Variants in MMS22L observed in about 807,000 individuals in gnomAD.
MMS22L encodes the protein protein MMS22-like.
In MMS22L, 74 loss-of-function variants were observed where a neutral mutation model predicts 159.1. The observed-to-expected ratio is 0.47, with a 90% CI of 0.39 to 0.56. The LOEUF (loss-of-function observed/expected upper bound fraction) is 0.56. Among genes scored for constraint, MMS22L ranks in the 20% least tolerant of loss-of-function variants. The probability of loss-of-function intolerance (pLI) is 0.00; values close to 1 mark genes in which losing one functional copy is unlikely to be tolerated. For missense variants in MMS22L, 1,351 were observed against 1,422.1 expected, an observed-to-expected ratio of 0.95 and a Z score of 0.80; for synonymous variants, 517 against 506.9, an observed-to-expected ratio of 1.02 and a Z score of -0.27.
At chr6:97,170,216 G>C (rs1803389268) in intron 19 of MMS22L, among the ~76,000 whole-genome samples, 1 of 152,096 alleles carries the variant, frequency 6.6e-6, no homozygotes, top group African/African-American at 2.4e-5. Flanking sequence ...CATGAATAAG[G>C]GGAAACTACT....
At chr6:97,231,740 A>T (rs1437007503) in intron 12 of MMS22L, 88 bp from the exon 13 acceptor site, 1 of 905,060 alleles carries the variant, frequency 1.1e-6, no homozygotes, top group Non-Finnish European at 1.7e-6. Flanking sequence ...TAGTTGGTTC[A>T]TCAAAAGTCT....
At chr6:97,250,157 C>T (rs1321135481) in intron 10 of MMS22L, among the ~76,000 whole-genome samples, 4 of 151,794 alleles carry the variant, frequency 2.6e-5, no homozygotes, top group East Asian at 1.9e-4. Context: ...TTCTACATAC[C>T]AAGTTAAATC....
At chr6:97,217,400 C>T (rs1276220529) in intron 14 of MMS22L, among the ~76,000 whole-genome samples, 2 of 151,894 alleles carry the variant, frequency 1.3e-5, no homozygotes, top group Non-Finnish European at 2.9e-5. Context: ...ATTACAGGTG[C>T]CCACCACCAC....
At chr6:97,174,011 T>A (rs574851885) in intron 18 of MMS22L, among the ~76,000 whole-genome samples, 6 of 151,786 alleles carry the variant, frequency 4.0e-5, no homozygotes, top group African/African-American at 1.5e-4. Flanking sequence ...TCCCAGCAGT[T>A]TGGGAGGCCA....
rs1198500906 is a variant in MMS22L, at chr6:97,282,299, C to T, written c.164+15G>A. ...AATAATCAGATGAGGGAAAATGTCTCTGAGTTTTACCTACCGCTTAAGGGC... is the reference window on the plus strand; with the variant it reads ...AATAATCAGATGAGGGAAAATGTCTTTGAGTTTTACCTACCGCTTAAGGGC... On this transcript the variant is annotated intron_variant, in intron 2 of 24. Coordinates refer to ENST00000683635, the MANE Select transcript of MMS22L (RefSeq NM_001350599.2). The T allele has an allele frequency of 1.2e-6, 2 of 1,611,554 alleles. No individual in the cohort carries two copies. The highest frequency in any genetic ancestry group is 1.7e-6 in the Non-Finnish European group (2 of 1,178,986).
At chr6:97,204,242 C>A (rs1009023243) in intron 14 of MMS22L, among the ~76,000 whole-genome samples, 6 of 152,140 alleles carry the variant, frequency 3.9e-5, no homozygotes, top group Non-Finnish European at 7.4e-5. Flanking sequence ...CATTTCATCC[C>A]CATGCCTCCC....
At chr6:97,223,478 C>G (rs1267803240) in intron 14 of MMS22L, among the ~76,000 whole-genome samples, 1 of 152,062 alleles carries the variant, frequency 6.6e-6, no homozygotes, top group African/African-American at 2.4e-5. Flanking sequence ...CGAGCTTATG[C>G]TTTAATTTTT....
At chr6:97,234,563 T>C (rs1477106175) in intron 11 of MMS22L, among the ~76,000 whole-genome samples, 2 of 152,280 alleles carry the variant, frequency 1.3e-5, no homozygotes, top group Non-Finnish European at 2.9e-5. Context: ...CATTCAACAA[T>C]TGTATTTAAA....
intron 14 of MMS22L, among the ~76,000 whole-genome samples, chr6:97,191,030 T>C (rs759187929): frequency 3.0e-4 from 45 of 152,192 alleles, no homozygotes; most frequent in Non-Finnish European, 6.2e-4. Flanking sequence ...CCTGATTCTT[T>C]CATCTGACTG....
chr6:97,163,570 C>T (rs764989432), intron 21 of MMS22L, among the ~76,000 whole-genome samples: 1 of 152,080 alleles, frequency 6.6e-6, no homozygotes, highest in Non-Finnish European at 1.5e-5. Context: ...GATTCAATTT[C>T]ACTTCAGCAT....
rs143451413 is a variant in MMS22L at position 97,209,224 on chromosome 6, G to A, written c.2039+19670C>T. ...CTTTACACTAGTTATACACATGTAC[G>A]GTTTACTAAAAAATAATTTCCCCAA... On this transcript the variant is annotated intron_variant, in intron 14 of 24. Transcript: ENST00000683635. Among the ~76,000 whole-genome samples the A allele has an allele frequency of 1.9e-3, 294 of 151,756 alleles. 1 individual carries two copies. Among genetic ancestry groups the A allele is most frequent in the African/African-American group, 6.8e-3 (282 of 41,376 alleles).
intron 14 of MMS22L, among the ~76,000 whole-genome samples, chr6:97,225,021 G>T (rs1441002956): frequency 6.6e-6 from 1 of 152,094 alleles, no homozygotes; most frequent in Non-Finnish European, 1.5e-5. Context: ...TATTTTAGAT[G>T]AGCCACAAAA....
At chr6:97,176,270 T>A (rs1227323262) in intron 18 of MMS22L, among the ~76,000 whole-genome samples, 1 of 152,254 alleles carries the variant, frequency 6.6e-6, no homozygotes, top group East Asian at 1.9e-4. Context: ...GTGGTATCAG[T>A]AATTCCCAGG....
chr6:97,163,456 T>C (rs1053177969), intron 21 of MMS22L, among the ~76,000 whole-genome samples: 1 of 151,900 alleles, frequency 6.6e-6, no homozygotes, highest in Non-Finnish European at 1.5e-5. Context: ...AAAAAAAGCC[T>C]TCAACTATAA....
intron 16 of MMS22L, among the ~76,000 whole-genome samples, chr6:97,180,403 T>C (rs1320802810): frequency 2.0e-5 from 3 of 152,164 alleles, no homozygotes; most frequent in Non-Finnish European, 2.9e-5. Context: ...GCTTGGCCAC[T>C]AAACCTGATT....
At chr6:97,181,683 TAACA>T (rs985417966) in intron 16 of MMS22L, among the ~76,000 whole-genome samples, 4 of 152,214 alleles carry the variant, frequency 2.6e-5, no homozygotes, top group Middle Eastern at 3.4e-3. Context: ...TGAAAGGGCT[TAACA>T]AACAACTTTT....
intron 22 of MMS22L, among the ~76,000 whole-genome samples, chr6:97,152,562 G>T (rs951659585): frequency 6.6e-6 from 1 of 151,814 alleles, no homozygotes; most frequent in Non-Finnish European, 1.5e-5. Context: ...AGAAACCAGA[G>T]AAAAAAGTGC....
At chr6:97,266,848 G>GA (rs1815173515) in intron 8 of MMS22L, 1 of 152,200 alleles carries the variant, frequency 6.6e-6, no homozygotes, top group Non-Finnish European at 1.5e-5. Context: ...GGAGGATTAG[G>GA]AGGGAGGCGG....
chr6:97,263,014 A>G (rs1379353997), intron 9 of MMS22L, among the ~76,000 whole-genome samples: 1 of 152,144 alleles, frequency 6.6e-6, no homozygotes, highest in East Asian at 1.9e-4. Context: ...GTATTTCCTG[A>G]CTAAAATGTT....
Sources: allele counts gnomAD v4.1 joint callset (sites outside exome capture counted in the v4.1 genomes callset), GRCh38; gene constraint gnomAD v4.1.1; transcripts MANE v1.5; gene names NCBI Gene and HGNC (gene_info 2026-07-23, HGNC 2026-07-21).